Variants in ZNF362 observed in about 807,000 individuals in gnomAD.
ZNF362 encodes zinc finger protein 362.
ZNF362 carries 11 observed loss-of-function variants against 42.9 expected under a neutral mutation model. The observed-to-expected ratio is 0.26, with a 90% confidence interval of 0.16 to 0.42. The LOEUF (loss-of-function observed/expected upper bound fraction) is 0.42. Ranked by LOEUF, ZNF362 falls within the 20% of genes least tolerant of loss-of-function variation. The pLI is 1.00. For missense variants in ZNF362, 362 were observed against 576.2 expected, an observed-to-expected ratio of 0.63 and a Z score of 3.81; for synonymous variants, 255 against 257.3, an observed-to-expected ratio of 0.99 and a Z score of 0.09.
the ZNF362 span, among the ~76,000 whole-genome samples, chr1:33,193,014 T>C: frequency 0.017 from 2,245 of 135,460 alleles, 68 homozygotes; most frequent in African/African-American, 0.054. Context: ...CATATATATA[T>C]ATATATATAC....
chr1:33,215,230 A>G, the ZNF362 span, among the ~76,000 whole-genome samples: 1 of 152,190 alleles, frequency 6.6e-6, no homozygotes, highest in Admixed American at 6.5e-5. Context: ...TGTAAGTGAA[A>G]TAAGCCAGGC....
At chr1:33,208,631 G>A in the ZNF362 span, among the ~76,000 whole-genome samples, 2 of 152,098 alleles carry the variant, frequency 1.3e-5, no homozygotes, top group African/African-American at 4.8e-5. Flanking sequence ...AATTCTCCTT[G>A]AAGAGGTTCT....
the ZNF362 span, among the ~76,000 whole-genome samples, chr1:33,171,759 A>G: frequency 9.9e-5 from 15 of 152,250 alleles, no homozygotes; most frequent in East Asian, 2.5e-3. Context: ...TTGGTTTCCA[A>G]ATCTGTAAAG....
At chr1:33,213,135 A>C in the ZNF362 span, among the ~76,000 whole-genome samples, 3 of 152,126 alleles carry the variant, frequency 2.0e-5, no homozygotes, top group Admixed American at 6.5e-5. Flanking sequence ...TATTCATATA[A>C]ATTTTTAGAA....
chr1:33,201,402 G>A, the ZNF362 span, among the ~76,000 whole-genome samples: 1 of 152,146 alleles, frequency 6.6e-6, no homozygotes, highest in Non-Finnish European at 1.5e-5. Flanking sequence ...ATGAAACAAG[G>A]ATTGATAAAT....
At chr1:33,181,259 G>A in the ZNF362 span, 14 of 1,548,232 alleles carry the variant, frequency 9.0e-6, no homozygotes, top group Non-Finnish European at 1.2e-5. This position sits in a 1 kb window ranked among gnomAD's most constrained non-coding sequence, Gnocchi z 6.5. Context: ...GCGCGGGCTC[G>A]GCGAACGTGC....
rs1440010990 is a variant in ZNF362 at position 33,300,220 on chromosome 1, CTG to C, written c.*1178_*1179del. On this transcript the variant is annotated 3_prime_UTR_variant, in exon 9 of 9. Transcript: ENST00000539719. ...TCTGGAGTTCCGTTTTGAATATTAACTGTGTTATTTTTATACACTTTTTAAGC... is the reference window on the plus strand; with the variant it reads ...TCTGGAGTTCCGTTTTGAATATTAACTGTTATTTTTATACACTTTTTAAGC... The C allele has an allele frequency of 6.6e-6, 1 of 152,642 alleles. No homozygotes were observed. The highest frequency in any genetic ancestry group is 1.5e-5 in the Non-Finnish European group (1 of 68,040). 9.5% of individuals were successfully genotyped at this position (152,642 alleles called of 1,614,324 possible).
chr1:33,257,030 A>T (rs1268128304), intron 1 of ZNF362, among the ~76,000 whole-genome samples: 1 of 152,172 alleles, frequency 6.6e-6, no homozygotes, highest in Non-Finnish European at 1.5e-5. Flanking sequence ...AACGGATTGC[A>T]AACGGCGCGG....
chr1:33,158,419 C>CTGGCATTGGGGCAGG, the ZNF362 span: 1 of 1,550,632 alleles, frequency 6.4e-7, no homozygotes, highest in Non-Finnish European at 8.9e-7. Context: ...ATTCCTGCCC[C>CTGGCATTGGGGCAGG]AATGCCAGGG....
the ZNF362 span, among the ~76,000 whole-genome samples, chr1:33,172,547 G>A: frequency 6.6e-6 from 1 of 152,152 alleles, no homozygotes; most frequent in African/African-American, 2.4e-5. Flanking sequence ...CCCCATCGGA[G>A]CGGGGGTGGG....
At chr1:33,211,924 C>A in the ZNF362 span, among the ~76,000 whole-genome samples, 1 of 152,118 alleles carries the variant, frequency 6.6e-6, no homozygotes, top group Non-Finnish European at 1.5e-5. Flanking sequence ...GTGGGAATAT[C>A]AAATGTACAT....
intron 6 of ZNF362, among the ~76,000 whole-genome samples, chr1:33,289,697 C>T (rs986326636): frequency 1.3e-5 from 2 of 152,182 alleles, no homozygotes; most frequent in African/African-American, 4.8e-5. Context: ...ACTTGCTTTC[C>T]TTCATTCAGT....
the ZNF362 span, among the ~76,000 whole-genome samples, chr1:33,248,156 T>C: frequency 2.0e-5 from 3 of 152,256 alleles, no homozygotes; most frequent in Non-Finnish European, 2.9e-5. Context: ...TCTTGCCTTA[T>C]AACTTGCCAC....
At chr1:33,186,396 G>A in the ZNF362 span, among the ~76,000 whole-genome samples, 1 of 151,984 alleles carries the variant, frequency 6.6e-6, no homozygotes, top group Non-Finnish European at 1.5e-5. Flanking sequence ...GAGAAAATAC[G>A]TGTGCTTGAT....
At chr1:33,255,539 G>A (rs1042102726), upstream of ZNF362, among the ~76,000 whole-genome samples, 11 of 146,822 alleles carry the variant, frequency 7.5e-5, no homozygotes, top group African/African-American at 1.9e-4. Context: ...TCGGGAGGCC[G>A]AATCAGGAGG....
chr1:33,243,455 G>A, the ZNF362 span, among the ~76,000 whole-genome samples: 2 of 151,956 alleles, frequency 1.3e-5, no homozygotes, highest in Non-Finnish European at 2.9e-5. Context: ...CAAAGTGCTG[G>A]AATTACAAGT....
the ZNF362 span, among the ~76,000 whole-genome samples, chr1:33,133,966 T>A: frequency 6.6e-6 from 1 of 152,226 alleles, no homozygotes; most frequent in Non-Finnish European, 1.5e-5. Flanking sequence ...CCTGGCGAGC[T>A]GCCTCTGCTG....
chr1:33,270,759 T>C (rs1645897032), intron 2 of ZNF362, 147 bp downstream of exon 2: 6 of 1,423,480 alleles, frequency 4.2e-6, no homozygotes, highest in Non-Finnish European at 4.6e-6. Context: ...CTTACCCTCC[T>C]GTAGCGGCCT....
chr1:33,190,272 T>C, the ZNF362 span, among the ~76,000 whole-genome samples: 32 of 152,150 alleles, frequency 2.1e-4, no homozygotes, highest in Non-Finnish European at 3.7e-4. Flanking sequence ...CTATTAGCAA[T>C]CCCACAGATC....
Sources: gnomAD v4.1 joint callset for allele counts (sites outside exome capture counted in the v4.1 genomes callset) on GRCh38, gnomAD v4.1.1 for gene constraint, Gnocchi (gnomAD v3.1) non-coding constraint, MANE v1.5 for transcripts, NCBI Gene and HGNC (gene_info 2026-07-23, HGNC 2026-07-21) for gene names.